Variants in WDFY4 observed in about 807,000 individuals in gnomAD.
WDFY4 encodes the protein WDFY family member 4, also known as WD repeat- and FYVE domain-containing protein 4.
In WDFY4, 169 loss-of-function variants were observed where a neutral mutation model predicts 351.9. The observed-to-expected ratio is 0.48, with a 90% CI of 0.42 to 0.55. The LOEUF (loss-of-function observed/expected upper bound fraction) is 0.55, where lower values mean the gene tolerates loss of function less well. Ranked by LOEUF, WDFY4 falls within the 20% of genes least tolerant of loss-of-function variation. The pLI is 0.00. For synonymous variants in WDFY4, 1,622 were observed against 1,574.6 expected, an observed-to-expected ratio of 1.03 and a Z score of -0.71; for missense variants, 3,803 against 3,935.6, an observed-to-expected ratio of 0.97 and a Z score of 0.90.
chr10:48,957,412 C>T, intron 52 of WDFY4, 130 bp downstream of exon 52: 2 of 1,181,070 alleles, frequency 1.7e-6, no homozygotes, highest in Non-Finnish European at 1.2e-6. Flanking sequence ...CGGGTGAGGT[C>T]TCCACTGGGC....
intron 15 of WDFY4, among the ~76,000 whole-genome samples, chr10:48,776,452 GC>G: frequency 6.6e-6 from 1 of 152,134 alleles, no homozygotes. Flanking sequence ...CTCCAATGGG[GC>G]AAGCCAGAGA....
chr10:48,780,893 G>A (rs2066198827), intron 19 of WDFY4, among the ~76,000 whole-genome samples: 1 of 152,124 alleles, frequency 6.6e-6, no homozygotes, highest in Admixed American at 6.5e-5. Context: ...AATCTCTCTG[G>A]GTCAGGTAAT....
At chr10:48,891,695 C>T (rs1836812886) in intron 44 of WDFY4, among the ~76,000 whole-genome samples, 2 of 152,188 alleles carry the variant, frequency 1.3e-5, no homozygotes, top group Admixed American at 1.3e-4. Flanking sequence ...TTCAGTAGGT[C>T]TGGGGCAGGG....
Position 48,736,210 on chromosome 10 carries a change from G to A in WDFY4, c.1878+140G>A, listed in dbSNP as rs74711064. 2,807 of 926,440 alleles carry A rather than the reference G, an allele frequency of 3.0e-3. 55 individuals carry two copies. The African/African-American group carries it at 0.038, about 12-fold the overall frequency. The allele number at this position is 926,440 out of a possible 1,614,324, so 57.4% of individuals were successfully genotyped here. A position where few individuals can be genotyped will look rare whatever the true frequency, so the allele number is the denominator to read the frequency against. On this transcript the variant is annotated intron_variant, in intron 11 of 61. Coordinates refer to ENST00000325239, the MANE Select transcript of WDFY4 (RefSeq NM_001394531.1). ...AGTACCCTGTATTAGGTAGCGTCAG[G>A]TGCTGTAACAAATAAATCCCATATC...
At chr10:48,787,703 G>A (rs919924541) in intron 20 of WDFY4, among the ~76,000 whole-genome samples, 1 of 152,146 alleles carries the variant, frequency 6.6e-6, no homozygotes, top group African/African-American at 2.4e-5. Flanking sequence ...TTAAGCTCTG[G>A]TAGTTTCGCA....
At chr10:48,720,313 G>A (rs1347610845) in intron 3 of WDFY4, among the ~76,000 whole-genome samples, 188 bp downstream of exon 3, 2 of 152,128 alleles carry the variant, frequency 1.3e-5, no homozygotes, top group African/African-American at 4.8e-5. Flanking sequence ...GGGAAGAGGG[G>A]TCGGGGAGCC....
intron 49 of WDFY4, among the ~76,000 whole-genome samples, chr10:48,945,631 T>C (rs1269125689): frequency 6.6e-6 from 1 of 152,258 alleles, no homozygotes; most frequent in Non-Finnish European, 1.5e-5. Context: ...ATTTCCTCCC[T>C]GAACAGATGA....
chr10:48,903,674 G>T (rs911057746), intron 47 of WDFY4, among the ~76,000 whole-genome samples: 4 of 152,238 alleles, frequency 2.6e-5, no homozygotes, highest in African/African-American at 9.6e-5. Context: ...TGGCTGTAGG[G>T]CCACTGTGGC....
intron 47 of WDFY4, chr10:48,913,673 C>G (rs750917616): frequency 1.2e-6 from 2 of 1,613,550 alleles, no homozygotes; most frequent in South Asian, 2.2e-5. Context: ...TGGAGATGCT[C>G]ACGGGGATGT....
chr10:48,795,367 G>C (rs1017995865), intron 23 of WDFY4, among the ~76,000 whole-genome samples: 1 of 148,286 alleles, frequency 6.7e-6, no homozygotes, highest in Non-Finnish European at 1.5e-5. Flanking sequence ...AACTGACTGA[G>C]TGTCAGTTTG....
At chr10:48,777,267 A>C (rs1191580212) in intron 16 of WDFY4, among the ~76,000 whole-genome samples, 152 bp from the exon 17 acceptor site, 1 of 152,172 alleles carries the variant, frequency 6.6e-6, no homozygotes, top group Non-Finnish European at 1.5e-5. Context: ...TACCAGCACC[A>C]GCTGCAGTCC....
intron 4 of WDFY4, among the ~76,000 whole-genome samples, chr10:48,722,969 G>T (rs115766734): frequency 0.012 from 1,847 of 152,226 alleles, 39 homozygotes; most frequent in African/African-American, 0.042. Context: ...TGAGAGGTTG[G>T]GGAGGGGCCT....
At chr10:48,976,003 C>T (rs1317071562) in intron 58 of WDFY4, among the ~76,000 whole-genome samples, 1 of 152,182 alleles carries the variant, frequency 6.6e-6, no homozygotes, top group African/African-American at 2.4e-5. Flanking sequence ...CCCAGAGAAG[C>T]CTGGCACCAG....
chr10:48,946,300 C>T (rs1017731809), intron 50 of WDFY4, 143 bp downstream of exon 50: 17 of 688,700 alleles, frequency 2.5e-5, no homozygotes, highest in Non-Finnish European at 4.1e-5. Context: ...TAGGAAGTGC[C>T]TGGGGAGCTT....
chr10:48,881,495 C>G (rs539356835), intron 43 of WDFY4, among the ~76,000 whole-genome samples: 2 of 152,208 alleles, frequency 1.3e-5, no homozygotes, highest in Admixed American at 6.5e-5. Flanking sequence ...CTGCAGAGTG[C>G]CAACACTCAA....
chr10:48,844,592 C>T (rs118090406), intron 39 of WDFY4, among the ~76,000 whole-genome samples: 290 of 151,586 alleles, frequency 1.9e-3, no homozygotes, highest in Middle Eastern at 0.014. Flanking sequence ...AACTCCTTCT[C>T]GAACAAAAAA....
intron 40 of WDFY4, among the ~76,000 whole-genome samples, chr10:48,872,641 G>T (rs1335508901): frequency 1.3e-5 from 2 of 152,204 alleles, no homozygotes; most frequent in African/African-American, 4.8e-5. Flanking sequence ...TGACTCTACT[G>T]TGCAAACTGA....
chr10:48,927,587 G>A (rs1164398759), intron 47 of WDFY4, among the ~76,000 whole-genome samples: 1 of 152,198 alleles, frequency 6.6e-6, no homozygotes, highest in African/African-American at 2.4e-5. Flanking sequence ...GTGTCTTACT[G>A]GGATATTATG....
intron 47 of WDFY4, among the ~76,000 whole-genome samples, chr10:48,941,040 A>G (rs1484070034): frequency 6.6e-6 from 1 of 152,202 alleles, no homozygotes; most frequent in Non-Finnish European, 1.5e-5. Context: ...ACAGCTACTC[A>G]CAGAAGTACC....
Sources: allele counts gnomAD v4.1 joint callset (sites outside exome capture counted in the v4.1 genomes callset), GRCh38; gene constraint gnomAD v4.1.1; transcripts MANE v1.5; gene names NCBI Gene and HGNC (gene_info 2026-07-23, HGNC 2026-07-21).